RBFOX1: variants seen among roughly 807,000 people sequenced by gnomAD.
The protein encoded by RBFOX1 is RNA binding fox-1 homolog 1, also known as RNA binding protein fox-1 homolog 1.
A neutral mutation model predicts 57.7 loss-of-function variants in RBFOX1; 8 were observed. The observed-to-expected ratio is 0.14, with a 90% CI of 0.08 to 0.25. RBFOX1 has a LOEUF of 0.25. Ranked by LOEUF, RBFOX1 falls within the 10% of genes least tolerant of loss-of-function variation. The pLI, the probability that RBFOX1 is intolerant of heterozygous loss-of-function variation, is 1.00. For missense variants in RBFOX1, 611 were observed against 548.5 expected, an observed-to-expected ratio of 1.11 and a Z score of -1.14; for synonymous variants, 326 against 222.4, an observed-to-expected ratio of 1.47 and a Z score of -4.15.
chr16:6,669,826 A>C (rs1412100175), intron 3 of RBFOX1, among the ~76,000 whole-genome samples: 1 of 152,174 alleles, frequency 6.6e-6, no homozygotes, highest in South Asian at 2.1e-4. Flanking sequence ...TAGAAAAGCA[A>C]ATGCTCACCA....
chr16:7,011,402 G>C (rs1412041927), intron 3 of RBFOX1, among the ~76,000 whole-genome samples: 1 of 152,186 alleles, frequency 6.6e-6, no homozygotes, highest in Non-Finnish European at 1.5e-5. Context: ...AAACCAGGCG[G>C]GCTGTTTGTT....
intron 4 of RBFOX1, among the ~76,000 whole-genome samples, chr16:7,378,541 G>A (rs568201591): frequency 6.6e-6 from 1 of 152,298 alleles, no homozygotes; most frequent in South Asian, 2.1e-4. Flanking sequence ...TTTCTACCAA[G>A]CCAGTGGCAA....
intron 3 of RBFOX1, among the ~76,000 whole-genome samples, chr16:6,862,646 A>G (rs1173125983): frequency 6.6e-6 from 1 of 152,140 alleles, no homozygotes; most frequent in Non-Finnish European, 1.5e-5. Context: ...GGAAAATGAA[A>G]GTGGTTTTGT....
At chr16:5,918,658 C>T (rs2058758075) in intron 4 of RBFOX1, among the ~76,000 whole-genome samples, 1 of 152,348 alleles carries the variant, frequency 6.6e-6, no homozygotes, top group Non-Finnish European at 1.5e-5. Context: ...CATTCCTTAT[C>T]TCCAGGAAAA....
At chr16:6,176,888 G>C (rs913102877) in intron 1 of RBFOX1, among the ~76,000 whole-genome samples, 1 of 152,120 alleles carries the variant, frequency 6.6e-6, no homozygotes, top group African/African-American at 2.4e-5. Context: ...TGTGATTGCC[G>C]TGAGAACAGG....
chr16:6,658,146 C>T (rs540809963), intron 3 of RBFOX1, among the ~76,000 whole-genome samples: 1 of 151,922 alleles, frequency 6.6e-6, no homozygotes, highest in Non-Finnish European at 1.5e-5. Flanking sequence ...TCAATGGGGC[C>T]GATTATCTTG....
chr16:6,476,169 G>A (rs887369370), intron 2 of RBFOX1, among the ~76,000 whole-genome samples: 1 of 152,122 alleles, frequency 6.6e-6, no homozygotes, highest in African/African-American at 2.4e-5. Context: ...TTGAAAAATA[G>A]AGAAATACAG....
intron 2 of RBFOX1, among the ~76,000 whole-genome samples, chr16:6,633,015 C>T (rs2098402642): frequency 6.6e-6 from 1 of 152,034 alleles, no homozygotes; most frequent in African/African-American, 2.4e-5. Flanking sequence ...GATGGGGAGA[C>T]ATTGAAAAAT....
At chr16:6,013,991 T>G (rs1205161781) in intron 4 of RBFOX1, among the ~76,000 whole-genome samples, 1 of 151,608 alleles carries the variant, frequency 6.6e-6, no homozygotes, top group Non-Finnish European at 1.5e-5. Context: ...AGGGTTAGCA[T>G]TAGGAGATAC....
At chr16:5,428,402 C>T (rs2067629540) in intron 1 of RBFOX1, among the ~76,000 whole-genome samples, 2 of 152,138 alleles carry the variant, frequency 1.3e-5, no homozygotes, top group South Asian at 2.1e-4. Context: ...CCTTTTTCAA[C>T]AGTGGCCGAG....
intron 14 of RBFOX1, among the ~76,000 whole-genome samples, chr16:7,698,183 G>GTT (rs1555793377): frequency 1.5e-5 from 2 of 136,116 alleles, no homozygotes; most frequent in Non-Finnish European, 3.2e-5. Context: ...AGTCCAAGAG[G>GTT]GTGTGTGTGT....
At chr16:7,043,835 C>G (rs533753352) in intron 3 of RBFOX1, among the ~76,000 whole-genome samples, 11 of 152,350 alleles carry the variant, frequency 7.2e-5, no homozygotes, top group African/African-American at 2.6e-4. Flanking sequence ...ACTGCACTTC[C>G]ATAATCTCAC....
At chr16:6,329,862 C>A (rs1057210575) in intron 2 of RBFOX1, among the ~76,000 whole-genome samples, 1 of 152,130 alleles carries the variant, frequency 6.6e-6, no homozygotes, top group African/African-American at 2.4e-5. Context: ...CACTTGAACC[C>A]AGGAGACAGA....
intron 3 of RBFOX1, among the ~76,000 whole-genome samples, chr16:6,962,110 A>G (rs912507719): frequency 6.6e-6 from 1 of 152,206 alleles, no homozygotes; most frequent in Non-Finnish European, 1.5e-5. Flanking sequence ...ATCAGGCTGT[A>G]TCCAGGACCA....
intron 2 of RBFOX1, among the ~76,000 whole-genome samples, chr16:5,526,092 C>A (rs941646686): frequency 6.6e-6 from 1 of 151,852 alleles, no homozygotes; most frequent in African/African-American, 2.4e-5. Context: ...GTACCAGCCC[C>A]TCTCTTTTAT....
At chr16:5,907,186 G>A (rs917775998) in intron 4 of RBFOX1, among the ~76,000 whole-genome samples, 2 of 152,060 alleles carry the variant, frequency 1.3e-5, no homozygotes, top group Non-Finnish European at 2.9e-5. Flanking sequence ...GTGGCTTCAG[G>A]GCAACGTGAA....
Position 7,049,393 on chromosome 16 carries a change from A to G in RBFOX1, c.-15-2664A>G, listed in dbSNP as rs1186050932. 3.9e-5 allele frequency among the ~76,000 whole-genome samples: 6 copies of G among 152,260 alleles called. No homozygotes were observed. The East Asian group carries it at 1.2e-3, about 29-fold the overall frequency. On this transcript the variant is annotated intron_variant, in intron 3 of 15. Transcript: ENST00000550418. Reference sequence around the variant, plus strand: ...TGTTGCCACTGTTGTTTATACATGAACACTACCCTGAGATTGCCTGGAGAC... The same window carrying G: ...TGTTGCCACTGTTGTTTATACATGAGCACTACCCTGAGATTGCCTGGAGAC...
At chr16:6,618,391 G>A (rs1478978038) in intron 2 of RBFOX1, among the ~76,000 whole-genome samples, 1 of 152,142 alleles carries the variant, frequency 6.6e-6, no homozygotes, top group Non-Finnish European at 1.5e-5. Flanking sequence ...AAAAGGTAGG[G>A]ACTGTCATTA....
intron 3 of RBFOX1, chr16:7,004,059 A>T (rs1555749528): frequency 6.6e-6 from 1 of 151,246 alleles, no homozygotes; most frequent in Non-Finnish European, 1.5e-5. Context: ...CAGGTGCCAT[A>T]CCACCTTCTC....
Sources: allele counts gnomAD v4.1 joint callset (sites outside exome capture counted in the v4.1 genomes callset), GRCh38; gene constraint gnomAD v4.1.1; transcripts MANE v1.5; gene names NCBI Gene and HGNC (gene_info 2026-07-23, HGNC 2026-07-21).